Variants in AFAP1 observed in about 807,000 individuals in gnomAD.
AFAP1 encodes actin filament-associated protein 1.
In AFAP1, 75 loss-of-function variants were observed where a neutral mutation model predicts 93.9. The ratio of observed to expected loss-of-function variants is 0.80; its 90% CI spans 0.66 to 0.97. The LOEUF (loss-of-function observed/expected upper bound fraction) is 0.97. Ranked by LOEUF, AFAP1 falls within the 50% of genes least tolerant of loss-of-function variation. AFAP1 has a pLI of 0.00. For missense variants in AFAP1, 1,201 were observed against 1,050.8 expected (o/e 1.14, Z -1.98); for synonymous variants, 517 against 430.7 (o/e 1.20, Z -2.48).
intron 3 of AFAP1, among the ~76,000 whole-genome samples, chr4:7,867,489 AAC>A (rs1338398509): frequency 6.6e-6 from 1 of 152,180 alleles, no homozygotes; most frequent in Non-Finnish European, 1.5e-5. Context: ...GCTCAATGCT[AAC>A]AGTCTTCTCC....
intron 11 of AFAP1, among the ~76,000 whole-genome samples, chr4:7,789,221 T>C (rs754295346): frequency 7.2e-5 from 11 of 152,046 alleles, no homozygotes; most frequent in Non-Finnish European, 1.0e-4. Context: ...CTTTCCACAA[T>C]AGGATTTGCA....
chr4:7,871,315 C>T (rs1485954645), intron 2 of AFAP1, among the ~76,000 whole-genome samples: 1 of 152,176 alleles, frequency 6.6e-6, no homozygotes, highest in Non-Finnish European at 1.5e-5. Flanking sequence ...AAGGGTGGTT[C>T]ACTGTGCCTG....
At chr4:7,851,520 A>G (rs1215033671) in intron 4 of AFAP1, among the ~76,000 whole-genome samples, 1 of 152,258 alleles carries the variant, frequency 6.6e-6, no homozygotes, top group Non-Finnish European at 1.5e-5. Flanking sequence ...AAATGGGCAC[A>G]TGATGTAAAC....
In AFAP1 at chr4:7,778,890, C is replaced by T. The variant is rs1553824459; in HGVS notation, c.1783-14G>A. 6.6e-7 allele frequency: 1 copy of T among 1,516,926 alleles called. No homozygotes were observed. Among genetic ancestry groups the T allele is most frequent in the Non-Finnish European group, 9.0e-7 (1 of 1,109,810 alleles). The allele number at this position is 1,516,926 out of a possible 1,614,324, so 94.0% of individuals were successfully genotyped here. A position where few individuals can be genotyped will look rare whatever the true frequency, so the allele number is the denominator to read the frequency against. ...TTTACCCTTGAGCTGTTGAAATAAA[C>T]ATATAAGAACATTAAAAATAAACAC... is the stretch of plus-strand genomic sequence containing the variant. On this transcript the variant is annotated splice_polypyrimidine_tract_variant and intron_variant, in intron 13 of 17. Coordinates refer to ENST00000420658, the MANE Select transcript of AFAP1 (RefSeq NM_001134647.2).
At chr4:7,936,977 C>T (rs1317642938) in intron 1 of AFAP1, among the ~76,000 whole-genome samples, 2 of 152,130 alleles carry the variant, frequency 1.3e-5, no homozygotes. Context: ...CCATTTTACT[C>T]TCCAAAATAA....
intron 1 of AFAP1, among the ~76,000 whole-genome samples, chr4:7,892,412 G>A (rs902294292): frequency 6.6e-6 from 1 of 152,324 alleles, no homozygotes; most frequent in Non-Finnish European, 1.5e-5. Context: ...TCCAGACTGA[G>A]AGAGCAGTTC....
chr4:7,882,344 G>A (rs180790543), intron 1 of AFAP1, among the ~76,000 whole-genome samples: 6 of 151,070 alleles, frequency 4.0e-5, no homozygotes, highest in Admixed American at 2.0e-4. Context: ...AAACACCAAG[G>A]CTACTGCATA....
intron 3 of AFAP1, among the ~76,000 whole-genome samples, chr4:7,864,163 A>ACGCATTCCCAACTT (rs1560207895): frequency 1.8e-4 from 27 of 151,894 alleles, no homozygotes; most frequent in Non-Finnish European, 2.8e-4. Context: ...TCTCATCACA[A>ACGCATTCCCAACTT]CCCACAGGTC....
rs752554522 is a variant in AFAP1, at chr4:7,872,025, T to C, written c.54A>G (p.Glu18=). 39 of 1,614,000 alleles carry C rather than the reference T, an allele frequency of 2.4e-5. 1 individual carries two copies. The South Asian group carries it at 4.3e-4, about 18-fold the overall frequency. Residue 18 remains glutamate, a synonymous_variant, in exon 2 of 18, where the codon GAA becomes GAG. Transcript: ENST00000420658. The part of the protein sequence containing the change: ...LRLFLELLDH[E]YLTSTVREKK... Reference sequence around the variant, plus strand: ...TCTCCCTGACAGTTGAGGTTAGATATTCATGGTCCAGGAGTTCAAGAAAGA... The same window carrying C: ...TCTCCCTGACAGTTGAGGTTAGATACTCATGGTCCAGGAGTTCAAGAAAGA...
At chr4:7,810,311 C>T (rs13132025) in intron 8 of AFAP1, among the ~76,000 whole-genome samples, 93,112 of 152,048 alleles carry the variant, frequency 0.61, 28,787 homozygotes, top group East Asian at 0.83. Flanking sequence ...GAAGAGCAGC[C>T]GGGCGGTCAG....
At chr4:7,834,128 C>CACACACACACACAT (rs756961714) in intron 6 of AFAP1, among the ~76,000 whole-genome samples, 3,173 of 119,198 alleles carry the variant, frequency 0.027, 54 homozygotes, top group South Asian at 0.039. Context: ...CACACACACA[C>CACACACACACACAT]ATATATACAA....
At chr4:7,840,113 A>ACAGACCAGGAC (rs1204530977) in intron 5 of AFAP1, among the ~76,000 whole-genome samples, 1 of 152,118 alleles carries the variant, frequency 6.6e-6, no homozygotes, top group Admixed American at 6.5e-5. Flanking sequence ...CTGAAAAGTG[A>ACAGACCAGGAC]CAGACCAGGA....
intron 1 of AFAP1, among the ~76,000 whole-genome samples, chr4:7,910,121 G>A (rs1318262778): frequency 6.6e-6 from 1 of 152,160 alleles, no homozygotes; most frequent in Non-Finnish European, 1.5e-5. Flanking sequence ...CTGACTCTGA[G>A]CCATGAAAAT....
intron 4 of AFAP1, among the ~76,000 whole-genome samples, chr4:7,847,914 CGTT>C (rs1304489058): frequency 6.6e-6 from 1 of 151,554 alleles, no homozygotes; most frequent in Non-Finnish European, 1.5e-5. Context: ...GTTGAAAGGA[CGTT>C]GTTGATTAGG....
intron 10 of AFAP1, among the ~76,000 whole-genome samples, chr4:7,798,252 T>TTGGCTGGCTCACGGCACTGCAACTCTAC (rs1560165113): frequency 2.1e-5 from 3 of 139,990 alleles, no homozygotes; most frequent in Non-Finnish European, 3.1e-5. Flanking sequence ...TGCAACTCTA[T>TTGGCTGGCTCACGGCACTGCAACTCTAC]TGGCTGGCTC....
intron 1 of AFAP1, among the ~76,000 whole-genome samples, chr4:7,911,667 A>G (rs1461126619): frequency 1.3e-5 from 2 of 152,220 alleles, no homozygotes; most frequent in African/African-American, 4.8e-5. Context: ...ATATCCAGCT[A>G]GTATTAGAAC....
chr4:7,798,053 G>T (rs201878241), intron 10 of AFAP1, among the ~76,000 whole-genome samples: 2 of 152,142 alleles, frequency 1.3e-5, no homozygotes, highest in East Asian at 3.8e-4. Context: ...AAAATAAAAG[G>T]ATCTTGGAAA....
intron 1 of AFAP1, among the ~76,000 whole-genome samples, chr4:7,892,523 C>T (rs1290607412): frequency 2.6e-5 from 4 of 152,184 alleles, no homozygotes. Flanking sequence ...CTGTGAGATG[C>T]CACATGTCCA....
chr4:7,871,981 T>C lies in AFAP1; in HGVS notation c.98A>G (p.Asn33Ser), dbSNP rs985152450. The C allele has an allele frequency of 6.2e-7, 1 of 1,614,222 alleles. No individual in the cohort carries two copies. The highest frequency in any genetic ancestry group is 1.3e-5 in the African/African-American group (1 of 75,066). The change falls in exon 2 of 18, where the codon AAC becomes AGC. Residue 33 changes from asparagine to serine, a missense_variant. Physicochemically the swap from Asn to Ser is conservative, Grantham distance 46. Transcript: ENST00000420658. ...GGATGACTGTATTCTTAGCAGAATG[T>C]TGGTTATCACTGCCTTTTTCTCCCT... The part of the protein sequence containing the change: ...TVREKKAVIT[N>S]ILLRIQSSKG...
Sources: gnomAD v4.1 joint callset for allele counts (sites outside exome capture counted in the v4.1 genomes callset) on GRCh38, gnomAD v4.1.1 for gene constraint, MANE v1.5 for transcripts, NCBI Gene and HGNC (gene_info 2026-07-23, HGNC 2026-07-21) for gene names.